SENP5: variants seen among roughly 807,000 people sequenced by gnomAD.
SENP5 encodes the protein sentrin-specific protease 5.
Under a neutral mutation model 74.2 loss-of-function variants are expected in SENP5, and 21 were observed. The ratio of observed to expected loss-of-function variants is 0.28; its 90% confidence interval spans 0.20 to 0.41. SENP5 has a LOEUF of 0.41. Among genes scored for constraint, SENP5 ranks in the 10% least tolerant of loss-of-function variants. The pLI, the probability that SENP5 is intolerant of heterozygous loss-of-function variation, is 1.00. For missense variants in SENP5, 717 were observed against 889.1 expected (o/e 0.81, Z 2.46); for synonymous variants, 311 against 312.7 (o/e 0.99, Z 0.06).
At position 196,932,747 on chromosome 3, in the gene SENP5, T is replaced by C. The variant is rs1716081402; in HGVS notation, c.*1824T>C. On this transcript the variant is annotated 3_prime_UTR_variant, in exon 10 of 10. Coordinates refer to ENST00000323460, the MANE Select transcript of SENP5 (RefSeq NM_152699.5). ...CCTCTGATTTTTTTTTTTTTTTTTT[T>C]TTTTTTTTTGTGGGGGTGTGGTATA... 1 of 144,776 alleles carries C rather than the reference T, an allele frequency of 6.9e-6. No homozygotes were observed. The highest frequency in any genetic ancestry group is 1.5e-5 in the Non-Finnish European group (1 of 65,574). The allele number at this position is 144,776 out of a possible 1,614,324, so 9.0% of individuals were successfully genotyped here. A position where few individuals can be genotyped will look rare whatever the true frequency, so the allele number is the denominator to read the frequency against.
At chr3:196,884,683 T>TTG (rs1366247680) in intron 1 of SENP5, among the ~76,000 whole-genome samples, 1 of 150,648 alleles carries the variant, frequency 6.6e-6, no homozygotes, top group Non-Finnish European at 1.5e-5. Flanking sequence ...TGTTTTTTTT[T>TTG]TTTTTGAGAT....
rs559835961 is a variant in SENP5, at chr3:196,930,805, T to C, written c.2158-8T>C. The stretch of plus-strand genomic sequence containing the variant: ...ACTGAAGTGTTTCTGGGACCTTTTT[T>C]TTTGCAGTACTGCAAGTGCCTCGCC... On this transcript the variant is annotated splice_region_variant and splice_polypyrimidine_tract_variant and intron_variant, in intron 9 of 9. Coordinates refer to ENST00000323460, the MANE Select transcript of SENP5 (RefSeq NM_152699.5). 1.6e-3 allele frequency: 2,565 copies of C among 1,586,814 alleles called. 34 individuals carry two copies. In the African/African-American group the frequency reaches 0.031, roughly 19 times the overall value.
In SENP5 at chr3:196,885,812, C is replaced by A. The variant is rs766381377; in HGVS notation, c.631C>A (p.Pro211Thr). ...QGPEHHRNGG[P>T]LIPKKFQLNQ... The stretch of plus-strand genomic sequence containing the variant: ...GCCGGAGCACCACAGGAATGGGGGA[C>A]CCTTGATTCCAAAAAAGTTCCAACT... The change falls in exon 2 of 10, where the codon CCC becomes ACC. Residue 211 changes from proline (P) to threonine (T), a missense_variant. By Grantham distance (38) the Pro-to-Thr change is conservative. Around this residue, in one of 4 missense-constraint regions of SENP5, gnomAD observed 567 missense variants for 577.4 expected, o/e 0.98. Transcript: ENST00000323460. The A allele has an allele frequency of 1.7e-5, 28 of 1,613,976 alleles. No homozygotes were observed. Among genetic ancestry groups the A allele is most frequent in the Non-Finnish European group, 2.4e-5 (28 of 1,180,024 alleles).
At chr3:196,918,956 A>G (rs895085825) in intron 6 of SENP5, among the ~76,000 whole-genome samples, 9 of 132,722 alleles carry the variant, frequency 6.8e-5, no homozygotes, top group Admixed American at 6.4e-4. Flanking sequence ...AGGTCAGACA[A>G]TATAAAAATT....
chr3:196,892,589 C>T (rs1425695398), intron 2 of SENP5, among the ~76,000 whole-genome samples: 1 of 152,110 alleles, frequency 6.6e-6, no homozygotes, highest in Non-Finnish European at 1.5e-5. Context: ...AAAATCAATT[C>T]TCATCTATTT....
rs1378563437 is a variant in SENP5, at chr3:196,931,951, T to A, written c.*1028T>A. The A allele has an allele frequency of 2.2e-6, 1 of 453,108 alleles. No individual in the cohort carries two copies. The highest frequency in any genetic ancestry group is 4.4e-6 in the Non-Finnish European group (1 of 225,778). The allele number at this position is 453,108 out of a possible 1,614,324, so 28.1% of individuals were successfully genotyped here. On this transcript the variant is annotated 3_prime_UTR_variant, in exon 10 of 10. Coordinates refer to ENST00000323460, the MANE Select transcript of SENP5 (RefSeq NM_152699.5). ...AAGAGGGAAGGTAATAGAGACAACTTAGTCCCATGGGAGCGCAGCAACCGT... is the reference window on the plus strand; with the variant it reads ...AAGAGGGAAGGTAATAGAGACAACTAAGTCCCATGGGAGCGCAGCAACCGT...
chr3:196,929,029 A>G (rs2108868458), intron 8 of SENP5, among the ~76,000 whole-genome samples: 1 of 152,274 alleles, frequency 6.6e-6, no homozygotes, highest in East Asian at 1.9e-4. Flanking sequence ...ATCTCTACAA[A>G]TAATAAAATT....
At chr3:196,868,398 A>C (rs1331025384) in intron 1 of SENP5, among the ~76,000 whole-genome samples, 1 of 152,238 alleles carries the variant, frequency 6.6e-6, no homozygotes, top group Non-Finnish European at 1.5e-5. Context: ...ACAGGCCTCC[A>C]GCTCCGGCCG....
chr3:196,898,277 A>G (rs1412819749), intron 2 of SENP5, among the ~76,000 whole-genome samples: 1 of 151,880 alleles, frequency 6.6e-6, no homozygotes, highest in Non-Finnish European at 1.5e-5. Flanking sequence ...AAGCACATAT[A>G]CATGTTACTT....
chr3:196,891,124 A>G (rs1490617303), intron 2 of SENP5, among the ~76,000 whole-genome samples: 2 of 152,240 alleles, frequency 1.3e-5, no homozygotes, highest in African/African-American at 2.4e-5. Flanking sequence ...TATAAAAGGA[A>G]TAAACACCGA....
At position 196,916,822 on chromosome 3, in the gene SENP5, T is replaced by C. The variant is rs992232016; in HGVS notation, c.1885-6592T>C. On this transcript the variant is annotated intron_variant, in intron 6 of 9. Transcript: ENST00000323460. ...TTTGAGTGACCACACCCAGCTGAGA[T>C]TGACATATTTTTTTAAAAAAATAAG... Among the ~76,000 whole-genome samples the C allele has an allele frequency of 2.7e-5, 4 of 150,628 alleles. No individual in the cohort carries two copies. The East Asian group carries it at 7.9e-4, about 30-fold the overall frequency.
At chr3:196,880,651 T>A (rs1713683384) in intron 1 of SENP5, among the ~76,000 whole-genome samples, 1 of 150,208 alleles carries the variant, frequency 6.7e-6, no homozygotes, top group South Asian at 2.1e-4. Context: ...TTTTTTTTTT[T>A]TTTTTTTGAG....
chr3:196,884,045 C>T (rs1208640815), intron 1 of SENP5, among the ~76,000 whole-genome samples: 1 of 152,170 alleles, frequency 6.6e-6, no homozygotes, highest in African/African-American at 2.4e-5. Flanking sequence ...GACCAAATAC[C>T]ACTTAAGACT....
chr3:196,886,230 G>T lies in SENP5; in HGVS notation c.1049G>T (p.Gly350Val). Residue 350 changes from glycine (G) to valine (V), a missense_variant, in exon 2 of 10, where the codon GGC (glycine) becomes GTC (valine). Physicochemically the swap from Gly to Val is moderately radical, Grantham distance 109. Around this residue, in one of 4 missense-constraint regions of SENP5, gnomAD observed 567 missense variants for 577.4 expected, o/e 0.98. Coordinates refer to ENST00000323460, the MANE Select transcript of SENP5 (RefSeq NM_152699.5). ...GAAGCATTCCCTGACCAACAGAATG[G>T]CAGTGCCACAAACGCCTGGGACCAG... ...LDEAFPDQQN[G>V]SATNAWDQSS... The T allele has an allele frequency of 6.2e-7, 1 of 1,614,166 alleles. No individual in the cohort carries two copies. The highest frequency in any genetic ancestry group is 1.1e-5 in the South Asian group (1 of 91,074).
Position 196,931,033 on chromosome 3 carries a change from G to C in SENP5, c.*110G>C, listed in dbSNP as rs1716019529. On this transcript the variant is annotated 3_prime_UTR_variant, in exon 10 of 10. Coordinates refer to ENST00000323460, the MANE Select transcript of SENP5 (RefSeq NM_152699.5). ...ACAGATATTTCAGATCAGTGGTGTT[G>C]GGCCACTATTGTTACCTCAAATTTA... 1.4e-6 allele frequency: 1 copy of C among 707,810 alleles called. No individual in the cohort carries two copies. Among genetic ancestry groups the C allele is most frequent in the Non-Finnish European group, 2.5e-6 (1 of 395,890 alleles). The allele number at this position is 707,810 out of a possible 1,614,324, so 43.8% of individuals were successfully genotyped here. A position where few individuals can be genotyped will look rare whatever the true frequency, so the allele number is the denominator to read the frequency against.
intron 1 of SENP5, among the ~76,000 whole-genome samples, chr3:196,874,785 A>G (rs1174653261): frequency 6.6e-6 from 1 of 152,142 alleles, no homozygotes; most frequent in Non-Finnish European, 1.5e-5. Context: ...AGCCTGAGGC[A>G]GGAGAATTGC....
rs755893255 is a variant in SENP5 at position 196,886,678 on chromosome 3, G to A, written c.1497G>A (p.Leu499=). The change falls in exon 2 of 10, where the codon CTG becomes CTA. Residue 499 remains leucine (L), a synonymous_variant. Coordinates refer to ENST00000323460, the MANE Select transcript of SENP5 (RefSeq NM_152699.5). ...QKASPVDDEQ[L]SVCLSGFLDE... is the part of the protein sequence containing the mutation. ...CCTCTCCAGTGGATGATGAACAGCTGTCAGTCTGTCTTTCTGGTATGCACT... is the reference window on the plus strand; with the variant it reads ...CCTCTCCAGTGGATGATGAACAGCTATCAGTCTGTCTTTCTGGTATGCACT... 1.3e-6 allele frequency: 2 copies of A among 1,560,064 alleles called. No homozygotes were observed. Among genetic ancestry groups the A allele is most frequent in the Admixed American group, 2.0e-5 (1 of 49,996 alleles).
intron 2 of SENP5, among the ~76,000 whole-genome samples, chr3:196,891,911 C>T: frequency 6.6e-6 from 1 of 151,860 alleles, no homozygotes; most frequent in East Asian, 1.9e-4. Context: ...CTGCCTCAGC[C>T]TCCGGAGTAG....
At position 196,932,679 on chromosome 3, in the gene SENP5, A is replaced by C. The variant is rs1716078001; in HGVS notation, c.*1756A>C. ...ATCTCATAATGAGTTTTTCAAACAT[A>C]ATTATGCAAACATGAGATTTTTCAA... is the stretch of plus-strand genomic sequence containing the variant. On this transcript the variant is annotated 3_prime_UTR_variant, in exon 10 of 10. Transcript: ENST00000323460. 1 of 151,644 alleles carries C rather than the reference A, an allele frequency of 6.6e-6. No individual in the cohort carries two copies. Among genetic ancestry groups the C allele is most frequent in the Admixed American group, 6.6e-5 (1 of 15,202 alleles). The allele number at this position is 151,644 out of a possible 1,614,324, so 9.4% of individuals were successfully genotyped here. A position where few individuals can be genotyped will look rare whatever the true frequency, so the allele number is the denominator to read the frequency against.
Sources: allele counts gnomAD v4.1 joint callset (sites outside exome capture counted in the v4.1 genomes callset), GRCh38; gene constraint gnomAD v4.1.1; regional missense constraint gnomAD v4.1.1; transcripts MANE v1.5; gene names NCBI Gene and HGNC (gene_info 2026-07-23, HGNC 2026-07-21).